QNG1: variants seen among roughly 807,000 people sequenced by gnomAD.
The protein encoded by QNG1 is queuosine 5'-phosphate N-glycosylase/hydrolase.
At chr9:83,939,239 A>G in the QNG1 span, 5 of 311,804 alleles carry the variant, frequency 1.6e-5, no homozygotes, top group Admixed American at 1.4e-4. Flanking sequence ...ACGCCCAGCT[A>G]ATTTTGTATT....
the QNG1 span, among the ~76,000 whole-genome samples, chr9:83,955,156 G>A: frequency 5.9e-5 from 9 of 152,120 alleles, no homozygotes; most frequent in African/African-American, 2.2e-4. Context: ...CCAAGATCAC[G>A]CCACTGCACT....
the QNG1 span, chr9:83,938,428 T>C: frequency 1.3e-5 from 2 of 152,074 alleles, no homozygotes; most frequent in Non-Finnish European, 2.9e-5. Context: ...TCATTACCAA[T>C]AAAAAGTTTA....
the QNG1 span, among the ~76,000 whole-genome samples, chr9:83,942,235 C>G: frequency 6.6e-6 from 1 of 152,162 alleles, no homozygotes; most frequent in Non-Finnish European, 1.5e-5. Flanking sequence ...TGGGATAGAA[C>G]ATGGACTTCA....
chr9:83,956,096 C>A, the QNG1 span: 2 of 1,530,734 alleles, frequency 1.3e-6, no homozygotes, highest in African/African-American at 2.7e-5. Flanking sequence ...TTGGAACTCC[C>A]CTACACACAC....
the QNG1 span, among the ~76,000 whole-genome samples, chr9:83,943,815 A>G: frequency 6.6e-6 from 1 of 152,050 alleles, no homozygotes; most frequent in Admixed American, 6.6e-5. Context: ...AGGTCAGGAG[A>G]TCGAGACCAT....
chr9:83,953,191 C>A, the QNG1 span, among the ~76,000 whole-genome samples: 1 of 152,042 alleles, frequency 6.6e-6, no homozygotes, highest in Admixed American at 6.6e-5. Flanking sequence ...TCATTTGAAC[C>A]CAGGAGGTGG....
the QNG1 span, chr9:83,939,559 T>C: frequency 6.2e-7 from 1 of 1,614,144 alleles, no homozygotes; most frequent in Middle Eastern, 1.6e-4. Context: ...CTTTCATATC[T>C]TCCCTATGGT....
the QNG1 span, among the ~76,000 whole-genome samples, chr9:83,952,931 G>C: frequency 6.6e-6 from 1 of 150,582 alleles, no homozygotes; most frequent in African/African-American, 2.4e-5. Context: ...CCGCACTACA[G>C]CCTGGGTGAC....
chr9:83,945,047 A>G, the QNG1 span: 1 of 1,329,292 alleles, frequency 7.5e-7, no homozygotes, highest in South Asian at 1.4e-5. Flanking sequence ...TATATATGCT[A>G]TTTTTTAAAG....
At chr9:83,940,792 C>T in the QNG1 span, among the ~76,000 whole-genome samples, 1 of 152,220 alleles carries the variant, frequency 6.6e-6, no homozygotes, top group African/African-American at 2.4e-5. Context: ...TGCACCCATG[C>T]ACAAAGTCTC....
the QNG1 span, among the ~76,000 whole-genome samples, chr9:83,954,130 T>C: frequency 5.3e-5 from 8 of 151,792 alleles, no homozygotes; most frequent in Non-Finnish European, 1.2e-4. Context: ...CTGACCTCAG[T>C]TGATCCACCT....
At chr9:83,956,462 G>A in the QNG1 span, 1 of 1,530,336 alleles carries the variant, frequency 6.5e-7, no homozygotes, top group South Asian at 1.3e-5. Context: ...TTTCTGCAAT[G>A]AATTTAGAGG....
the QNG1 span, among the ~76,000 whole-genome samples, chr9:83,948,242 GC>G: frequency 2.0e-5 from 3 of 150,420 alleles, no homozygotes; most frequent in South Asian, 4.2e-4. Flanking sequence ...CTGGCCGGCC[GC>G]CCCGTCTGAG....
the QNG1 span, chr9:83,939,459 T>C: frequency 2.5e-6 from 3 of 1,187,364 alleles, no homozygotes; most frequent in Non-Finnish European, 3.7e-6. Context: ...ACTGTACAGA[T>C]GATATGATAT....
chr9:83,953,663 C>A, the QNG1 span: 2 of 659,890 alleles, frequency 3.0e-6, no homozygotes, highest in African/African-American at 3.8e-5. Flanking sequence ...TTTATTTTTT[C>A]TTTTATTTTT....
At chr9:83,950,052 T>A in the QNG1 span, among the ~76,000 whole-genome samples, 1 of 147,748 alleles carries the variant, frequency 6.8e-6, no homozygotes, top group Non-Finnish European at 1.5e-5. Context: ...TTTTCCTATT[T>A]TTTTTTTTTT....
chr9:83,942,984 T>C, the QNG1 span, among the ~76,000 whole-genome samples: 1 of 152,044 alleles, frequency 6.6e-6, no homozygotes, highest in Admixed American at 6.6e-5. Flanking sequence ...GAGAAGGAGA[T>C]GGACAAATCA....
chr9:83,950,738 T>C, the QNG1 span, among the ~76,000 whole-genome samples: 3 of 151,928 alleles, frequency 2.0e-5, no homozygotes, highest in South Asian at 6.2e-4. Flanking sequence ...TAGCTGGGAC[T>C]ATAGGTGTTC....
At chr9:83,955,692 T>A in the QNG1 span, 1 of 1,540,368 alleles carries the variant, frequency 6.5e-7, no homozygotes, top group South Asian at 1.2e-5. Flanking sequence ...TCCATATGCA[T>A]TAAACCCTTG....
Sources: gnomAD v4.1 joint callset for allele counts (sites outside exome capture counted in the v4.1 genomes callset) on GRCh38, gnomAD v4.1.1 for gene constraint, MANE v1.5 for transcripts, NCBI Gene and HGNC (gene_info 2026-07-23, HGNC 2026-07-21) for gene names.